Variants in LRP1B observed in about 807,000 individuals in gnomAD.
LRP1B encodes the protein low-density lipoprotein receptor-related protein 1B.
LRP1B carries 217 observed loss-of-function variants against 556.6 expected under a neutral mutation model. That is an observed-to-expected ratio of 0.39 (90% CI 0.35 to 0.44). LRP1B has a LOEUF of 0.44. Ranked by LOEUF, LRP1B falls within the 20% of genes least tolerant of loss-of-function variation. The pLI is 1.00. For missense variants in LRP1B, 5,053 were observed against 5,620.8 expected, an observed-to-expected ratio of 0.90 and a Z score of 3.23; for synonymous variants, 2,047 against 1,865.8, an observed-to-expected ratio of 1.10 and a Z score of -2.50.
intron 3 of LRP1B, among the ~76,000 whole-genome samples, chr2:141,265,722 C>T (rs1431140703): frequency 6.6e-6 from 1 of 152,100 alleles, no homozygotes; most frequent in Non-Finnish European, 1.5e-5. Context: ...TGTGTGTGTA[C>T]TCGATACATG....
At chr2:142,022,508 C>T (rs1323949368) in intron 1 of LRP1B, among the ~76,000 whole-genome samples, 2 of 151,990 alleles carry the variant, frequency 1.3e-5, no homozygotes, top group African/African-American at 4.8e-5. Context: ...TATTGAAGGG[C>T]ATGACATTCA....
At chr2:140,666,827 CAGAA>C (rs1685293530) in intron 41 of LRP1B, among the ~76,000 whole-genome samples, 1 of 152,120 alleles carries the variant, frequency 6.6e-6, no homozygotes, top group Non-Finnish European at 1.5e-5. Context: ...GGGAAAACAC[CAGAA>C]AGAAACTTCC....
At chr2:140,546,680 C>T (rs565271533) in intron 43 of LRP1B, among the ~76,000 whole-genome samples, 1 of 152,054 alleles carries the variant, frequency 6.6e-6, no homozygotes, top group African/African-American at 2.4e-5. Flanking sequence ...ATTATGGGAA[C>T]TACATTTCAA....
At chr2:140,791,202 C>T (rs139778447) in intron 32 of LRP1B, among the ~76,000 whole-genome samples, 9 of 152,074 alleles carry the variant, frequency 5.9e-5, no homozygotes, top group African/African-American at 2.2e-4. Flanking sequence ...TGCAGTGAGC[C>T]AAGATTGCAC....
chr2:142,126,276 T>G (rs1172845142), intron 1 of LRP1B, among the ~76,000 whole-genome samples: 3 of 151,750 alleles, frequency 2.0e-5, no homozygotes, highest in Non-Finnish European at 3.0e-5. Flanking sequence ...CTTTTTTTTT[T>G]GTCCAGATAA....
intron 1 of LRP1B, among the ~76,000 whole-genome samples, chr2:141,961,189 TA>T (rs1267282945): frequency 1.3e-5 from 2 of 151,696 alleles, no homozygotes; most frequent in Non-Finnish European, 1.5e-5. Context: ...CCTAAACTTG[TA>T]ATCATTTTTC....
At chr2:140,755,391 T>C (rs1218305470) in intron 35 of LRP1B, among the ~76,000 whole-genome samples, 2 of 151,974 alleles carry the variant, frequency 1.3e-5, no homozygotes, top group Admixed American at 6.6e-5. Flanking sequence ...ACATCTTTTA[T>C]CAATATAGAC....
At chr2:141,666,317 A>G (rs552786954) in intron 2 of LRP1B, among the ~76,000 whole-genome samples, 1 of 152,254 alleles carries the variant, frequency 6.6e-6, no homozygotes, top group Admixed American at 6.5e-5. Context: ...AGATTACAAT[A>G]CAAGCAGGTA....
At chr2:140,867,874 A>T (rs200100879) in intron 26 of LRP1B, 40 bp from the exon 27 acceptor site, 4 of 1,491,814 alleles carry the variant, frequency 2.7e-6, no homozygotes, top group Non-Finnish European at 2.7e-6. Context: ...GTCAAAACTC[A>T]TTCAACTAGT....
At chr2:141,919,985 A>G (rs1178806328) in intron 1 of LRP1B, among the ~76,000 whole-genome samples, 1 of 151,984 alleles carries the variant, frequency 6.6e-6, no homozygotes, top group Non-Finnish European at 1.5e-5. Flanking sequence ...AACTGGTATC[A>G]TAGCATCTGT....
intron 1 of LRP1B, among the ~76,000 whole-genome samples, chr2:141,966,171 C>T (rs941326399): frequency 2.0e-5 from 3 of 151,786 alleles, no homozygotes; most frequent in Admixed American, 1.3e-4. Flanking sequence ...TATTTGAGCA[C>T]CTATGGCATA....
intron 1 of LRP1B, among the ~76,000 whole-genome samples, chr2:142,086,788 ATC>A (rs1491268337): frequency 1.3e-5 from 2 of 152,348 alleles, no homozygotes; most frequent in Admixed American, 6.5e-5. Context: ...CCTACATATT[ATC>A]TGTCAATCCT....
At position 140,700,523 on chromosome 2, in the gene LRP1B, C is replaced by T. The variant is rs2105421417; in HGVS notation, c.6526G>A (p.Ala2176Thr). The T allele has an allele frequency of 1.2e-6, 2 of 1,613,476 alleles. No homozygotes were observed. Among genetic ancestry groups the T allele is most frequent in the Non-Finnish European group, 1.7e-6 (2 of 1,179,684 alleles). Reference sequence around the variant, plus strand: ...CTCAGGCAAGTAACTCCATCTTCTGCCAAATATCCATGGGCACAAGCACAA... The same window carrying T: ...CTCAGGCAAGTAACTCCATCTTCTGTCAAATATCCATGGGCACAAGCACAA... ...RTCACAHGYL[A>T]EDGVTCLRHE... Residue 2176 changes from alanine (A) to threonine (T), a missense_variant, in exon 41 of 91, where the codon GCA (alanine) becomes ACA (threonine). Ala to Thr is a moderately conservative substitution (Grantham distance 58). Around this residue, in one of 5 missense-constraint regions of LRP1B, gnomAD observed 3,619 missense variants for 3,931.9 expected, o/e 0.92. Coordinates refer to ENST00000389484, the MANE Select transcript of LRP1B (RefSeq NM_018557.3).
intron 9 of LRP1B, among the ~76,000 whole-genome samples, chr2:141,056,921 C>A (rs538294373): frequency 1.3e-5 from 2 of 152,028 alleles, no homozygotes; most frequent in East Asian, 3.9e-4. Context: ...TCACTCCATG[C>A]TTAGTTTCCC....
At chr2:140,434,603 C>G (rs1686093481) in intron 66 of LRP1B, among the ~76,000 whole-genome samples, 1 of 152,168 alleles carries the variant, frequency 6.6e-6, no homozygotes, top group South Asian at 2.1e-4. Flanking sequence ...TCACTCCCTA[C>G]TTTCATTATT....
chr2:140,423,256 C>T (rs1217644184), intron 66 of LRP1B, among the ~76,000 whole-genome samples: 4 of 152,006 alleles, frequency 2.6e-5, no homozygotes, highest in African/African-American at 9.7e-5. Flanking sequence ...AATTTCAGTG[C>T]CAATCAATAC....
chr2:142,031,698 A>G (rs1451153670), intron 1 of LRP1B, among the ~76,000 whole-genome samples: 1 of 151,468 alleles, frequency 6.6e-6, no homozygotes, highest in Non-Finnish European at 1.5e-5. Context: ...TGCCTTTCCA[A>G]ACTCTCTACG....
intron 35 of LRP1B, among the ~76,000 whole-genome samples, chr2:140,748,091 GAATA>G (rs1427603994): frequency 7.9e-5 from 3 of 38,056 alleles, no homozygotes; most frequent in African/African-American, 3.4e-4. Context: ...AAAGTCCTAT[GAATA>G]TATATATATA....
intron 60 of LRP1B, among the ~76,000 whole-genome samples, chr2:140,467,968 A>G (rs1483960430): frequency 2.0e-5 from 3 of 152,222 alleles, no homozygotes; most frequent in Non-Finnish European, 4.4e-5. Context: ...TTTGAGAGAG[A>G]GAATATCAAG....
Sources: allele counts gnomAD v4.1 joint callset (sites outside exome capture counted in the v4.1 genomes callset), GRCh38; gene constraint gnomAD v4.1.1; regional missense constraint gnomAD v4.1.1; transcripts MANE v1.5; gene names NCBI Gene and HGNC (gene_info 2026-07-23, HGNC 2026-07-21).